CFAP251: variants seen among roughly 807,000 people sequenced by gnomAD.
CFAP251 encodes cilia and flagella associated protein 251.
CFAP251 carries 93 observed loss-of-function variants against 126.7 expected under a neutral mutation model. The observed-to-expected ratio is 0.73, with a 90% CI of 0.62 to 0.87. CFAP251 has a LOEUF of 0.87. Ranked by LOEUF, CFAP251 falls within the 40% of genes least tolerant of loss-of-function variation. The pLI, the probability that CFAP251 is intolerant of heterozygous loss-of-function variation, is 0.00. For missense variants in CFAP251, 1,287 were observed against 1,389.2 expected, an observed-to-expected ratio of 0.93 and a Z score of 1.17; for synonymous variants, 503 against 506.9, an observed-to-expected ratio of 0.99 and a Z score of 0.10.
chr12:121,975,190 GC>G, intron 17 of CFAP251, 53 bp from the exon 18 acceptor site: 1 of 1,507,774 alleles, frequency 6.6e-7, no homozygotes, highest in Non-Finnish European at 9.2e-7. Flanking sequence ...CACCTTCTGA[GC>G]CATGCTCATG....
intron 15 of CFAP251, among the ~76,000 whole-genome samples, chr12:121,963,606 C>T (rs563690404): frequency 2.1e-4 from 31 of 150,228 alleles, no homozygotes; most frequent in African/African-American, 7.1e-4. Flanking sequence ...TCTCCTCCCT[C>T]CTGATGCCAT....
intron 14 of CFAP251, among the ~76,000 whole-genome samples, chr12:121,961,587 T>C (rs1193267867): frequency 1.3e-5 from 2 of 152,314 alleles, no homozygotes; most frequent in Non-Finnish European, 1.5e-5. Flanking sequence ...GGGAATCAGC[T>C]GGATCTAAAT....
rs1418310954 is a variant in CFAP251 at position 121,969,712 on chromosome 12, T to C, written c.2771+1543T>C. 4 of 962,604 alleles carry C rather than the reference T, an allele frequency of 4.2e-6. No homozygotes were observed. The African/African-American group carries it at 5.3e-5, about 13-fold the overall frequency. 59.6% of individuals were successfully genotyped at this position (962,604 alleles called of 1,614,324 possible). On this transcript the variant is annotated intron_variant, in intron 17 of 21. Coordinates refer to ENST00000288912, the MANE Select transcript of CFAP251 (RefSeq NM_144668.6). ...CACCAAGCCTAGGCTGGTCTTGAAC[T>C]CATGGGCTCAAGCCTTGGGCACCTA...
At chr12:121,934,415 T>C in intron 5 of CFAP251, 59 bp downstream of exon 5, 2 of 1,314,426 alleles carry the variant, frequency 1.5e-6, no homozygotes, top group Admixed American at 1.9e-5. Context: ...TCTGCCACTG[T>C]GTGACAGTGA....
chr12:121,976,992 A>G (rs1882476566), intron 19 of CFAP251, among the ~76,000 whole-genome samples: 2 of 152,250 alleles, frequency 1.3e-5, no homozygotes. Flanking sequence ...ACATATTTAT[A>G]TAATCATATA....
rs1263568419 is a variant in CFAP251 at position 122,003,721 on chromosome 12, T to C, written c.3407T>C (p.Leu1136Pro). Residue 1136 changes from leucine (L) to proline (P), a missense_variant, in exon 22 of 22, where the codon CTT (leucine) becomes CCT (proline). Physicochemically the swap from Leu to Pro is moderately conservative, Grantham distance 98 (BLOSUM62 -3). Transcript: ENST00000288912. ...ITAEIFATEILGLTISEDSGQ... is the reference protein window; with the variant it reads ...ITAEIFATEIPGLTISEDSGQ... Reference sequence around the variant, plus strand: ...GCAGAAATATTCGCGACTGAAATTCTTGGCTTAACCATTTCAGAAGATTCC... The same window carrying C: ...GCAGAAATATTCGCGACTGAAATTCCTGGCTTAACCATTTCAGAAGATTCC... The C allele has an allele frequency of 6.2e-7, 1 of 1,610,222 alleles. No individual in the cohort carries two copies. The highest frequency in any genetic ancestry group is 8.5e-7 in the Non-Finnish European group (1 of 1,178,868).
chr12:121,962,953 G>A (rs932876871), intron 15 of CFAP251, among the ~76,000 whole-genome samples: 1 of 152,212 alleles, frequency 6.6e-6, no homozygotes, highest in African/African-American at 2.4e-5. Context: ...GAGGGGGCAT[G>A]GGAGAGCAGG....
intron 19 of CFAP251, among the ~76,000 whole-genome samples, chr12:121,993,760 C>T (rs201149146): frequency 2.8e-4 from 42 of 150,636 alleles, no homozygotes; most frequent in African/African-American, 8.8e-4. Context: ...GTGAGGAGCC[C>T]CTCTGCCCGG....
intron 3 of CFAP251, among the ~76,000 whole-genome samples, chr12:121,930,058 T>A (rs1025169176): frequency 4.6e-5 from 7 of 152,240 alleles, no homozygotes; most frequent in African/African-American, 1.7e-4. Flanking sequence ...AGTCTTTTCA[T>A]ATTGGCTTCA....
chr12:121,990,846 C>T lies in CFAP251; in HGVS notation c.3007-8870C>T, dbSNP rs963184466. ...AGGCAGCCAGGGCTGAGGACCTTGG[C>T]GATGGAGCCTGTTAGTTCGCTTTCC... On this transcript the variant is annotated intron_variant, in intron 19 of 21. Transcript: ENST00000288912. Among the ~76,000 whole-genome samples the T allele has an allele frequency of 3.9e-5, 6 of 152,208 alleles. No homozygotes were observed. In the East Asian group the frequency reaches 5.8e-4, roughly 15 times the overall value.
chr12:121,985,830 GGAGAT>G (rs1882733544), intron 19 of CFAP251, among the ~76,000 whole-genome samples: 1 of 152,018 alleles, frequency 6.6e-6, no homozygotes, highest in Admixed American at 6.6e-5. Context: ...TCCATTGATA[GGAGAT>G]GAGATTAATA....
At chr12:121,956,975 A>T (rs1881747556) in intron 10 of CFAP251, 99 bp from the exon 11 acceptor site, 1 of 927,280 alleles carries the variant, frequency 1.1e-6, no homozygotes, top group South Asian at 2.4e-5. Flanking sequence ...AAGTTTTTGC[A>T]ATGCCCCAGA....
chr12:121,976,304 C>T (rs539280735), intron 19 of CFAP251, among the ~76,000 whole-genome samples: 18 of 152,252 alleles, frequency 1.2e-4, no homozygotes, highest in Middle Eastern at 6.8e-3. Flanking sequence ...CGACCACTCC[C>T]GGCCAGCCTT....
intron 19 of CFAP251, among the ~76,000 whole-genome samples, chr12:121,991,660 G>A (rs981479003): frequency 6.6e-6 from 1 of 151,922 alleles, no homozygotes. Flanking sequence ...CAAATCATTC[G>A]AATGAGAAGC....
rs1317337492 is a variant in CFAP251 at position 121,950,252 on chromosome 12, A to G, written c.1269+1191A>G. On this transcript the variant is annotated intron_variant, in intron 8 of 21. Coordinates refer to ENST00000288912, the MANE Select transcript of CFAP251 (RefSeq NM_144668.6). Reference sequence around the variant, plus strand: ...GTGTTGTATGATGCCATTTCTATGGAATGTCCAGCATAGGCAAGTCCACAG... The same window carrying G: ...GTGTTGTATGATGCCATTTCTATGGGATGTCCAGCATAGGCAAGTCCACAG... 3.4e-4 allele frequency: 51 copies of G among 152,230 alleles called. 1 individual carries two copies. Among genetic ancestry groups the G allele is most frequent in the Admixed American group, 3.3e-3 (50 of 15,276 alleles). The allele number at this position is 152,230 out of a possible 1,614,324, so 9.4% of individuals were successfully genotyped here.
At chr12:121,944,301 T>C (rs1385435491) in intron 7 of CFAP251, among the ~76,000 whole-genome samples, 8 of 152,194 alleles carry the variant, frequency 5.3e-5, no homozygotes, top group African/African-American at 1.9e-4. Flanking sequence ...CTTCTTTCCT[T>C]TCCCCCCAAC....
intron 19 of CFAP251, among the ~76,000 whole-genome samples, chr12:121,988,331 G>A (rs1016800266): frequency 6.6e-6 from 1 of 152,094 alleles, no homozygotes; most frequent in African/African-American, 2.4e-5. Context: ...TCACCACCAC[G>A]TAATCCTAGA....
At chr12:121,980,715 A>C (rs1396514280) in intron 19 of CFAP251, among the ~76,000 whole-genome samples, 1 of 152,164 alleles carries the variant, frequency 6.6e-6, no homozygotes, top group Non-Finnish European at 1.5e-5. Context: ...CGGCCGCTGC[A>C]CTTCATCTGC....
rs1468721110 is a variant in CFAP251 at position 121,948,813 on chromosome 12, A to G, written c.1192-171A>G. ...GAACACATTTGACACTGTTTATTTT[A>G]ATCACCAGTATTTAAATGATATTCC... is the stretch of plus-strand genomic sequence containing the variant. On this transcript the variant is annotated intron_variant, in intron 7 of 21. Coordinates refer to ENST00000288912, the MANE Select transcript of CFAP251 (RefSeq NM_144668.6). 4 of 469,036 alleles carry G rather than the reference A, an allele frequency of 8.5e-6. No homozygotes were observed. The Admixed American group carries it at 1.3e-4, about 15-fold the overall frequency. 29.1% of individuals were successfully genotyped at this position (469,036 alleles called of 1,614,324 possible). A position where few individuals can be genotyped will look rare whatever the true frequency, so the allele number is the denominator to read the frequency against.
Sources: allele counts gnomAD v4.1 joint callset (sites outside exome capture counted in the v4.1 genomes callset), GRCh38; gene constraint gnomAD v4.1.1; transcripts MANE v1.5; gene names NCBI Gene and HGNC (gene_info 2026-07-23, HGNC 2026-07-21).